Variants in DIS3L2 observed in about 807,000 individuals in gnomAD.
DIS3L2 encodes the protein DIS3-like exonuclease 2.
DIS3L2 carries 34 observed loss-of-function variants against 97.5 expected under a neutral mutation model. That is an observed-to-expected ratio of 0.35 (90% CI 0.27 to 0.46). DIS3L2 has a LOEUF of 0.46. DIS3L2 is among the 20% of genes least tolerant of loss of function. The pLI is 1.00. For missense variants in DIS3L2, 1,038 were observed against 1,146.0 expected (o/e 0.91, Z 1.36); for synonymous variants, 435 against 445.2 (o/e 0.98, Z 0.29).
intron 6 of DIS3L2, among the ~76,000 whole-genome samples, chr2:232,128,107 C>T (rs904711806): frequency 6.6e-5 from 10 of 152,054 alleles, no homozygotes; most frequent in African/African-American, 2.4e-4. Flanking sequence ...TACACCATCA[C>T]ACCTGGTGGA....
intron 9 of DIS3L2, among the ~76,000 whole-genome samples, chr2:232,168,903 T>A (rs1043437901): frequency 2.6e-5 from 4 of 152,184 alleles, no homozygotes; most frequent in Non-Finnish European, 4.4e-5. Context: ...GGTTTTATGA[T>A]GGAGTCATTC....
At chr2:232,261,411 A>G (rs889475557) in intron 12 of DIS3L2, among the ~76,000 whole-genome samples, 11 of 152,160 alleles carry the variant, frequency 7.2e-5, no homozygotes, top group Admixed American at 6.5e-4. Context: ...GGAAGTGGTC[A>G]TCCACACTGG....
At chr2:232,132,401 A>G (rs1443979261) in intron 7 of DIS3L2, among the ~76,000 whole-genome samples, 6 of 152,196 alleles carry the variant, frequency 3.9e-5, no homozygotes, top group Non-Finnish European at 8.8e-5. Context: ...GCATAGACCT[A>G]TTTTTTCTTG....
chr2:232,258,828 T>C (rs981437282), intron 12 of DIS3L2, among the ~76,000 whole-genome samples: 9 of 152,148 alleles, frequency 5.9e-5, no homozygotes, highest in Non-Finnish European at 8.8e-5. Flanking sequence ...TACTGTGAGG[T>C]TGGCTATTCC....
chr2:232,250,904 A>G (rs943008993), intron 12 of DIS3L2, among the ~76,000 whole-genome samples: 1 of 152,048 alleles, frequency 6.6e-6, no homozygotes, highest in African/African-American at 2.4e-5. Context: ...ACTAACCTTA[A>G]GAGTTTCCCA....
chr2:232,320,229 A>G (rs1314918248), intron 14 of DIS3L2, among the ~76,000 whole-genome samples: 1 of 152,218 alleles, frequency 6.6e-6, no homozygotes, highest in Non-Finnish European at 1.5e-5. Flanking sequence ...CCTAGGTCAT[A>G]AAACTGTGTG....
intron 14 of DIS3L2, among the ~76,000 whole-genome samples, chr2:232,315,658 G>C (rs1423147419): frequency 1.3e-5 from 2 of 152,196 alleles, no homozygotes; most frequent in Non-Finnish European, 2.9e-5. Context: ...AAATCGCCTA[G>C]TGGCTGCTTC....
At chr2:232,117,005 C>G (rs779796943) in intron 6 of DIS3L2, among the ~76,000 whole-genome samples, 2 of 152,198 alleles carry the variant, frequency 1.3e-5, no homozygotes, top group Non-Finnish European at 2.9e-5. Context: ...TGCTCCTCAG[C>G]TAGCTAACCC....
chr2:232,325,888 A>G lies in DIS3L2; in HGVS notation c.1740-3925A>G, dbSNP rs971208501. Reference sequence around the variant, plus strand: ...AGTGCCCACATCAGAGGAGGAAGGTATGAGGCCAGGGCAGGGGGCAGGGCG... The same window carrying G: ...AGTGCCCACATCAGAGGAGGAAGGTGTGAGGCCAGGGCAGGGGGCAGGGCG... On this transcript the variant is annotated intron_variant, in intron 14 of 20. Transcript: ENST00000325385. This position sits in a 1 kb window ranked among gnomAD's most constrained non-coding sequence, Gnocchi z 4.6. Among the ~76,000 whole-genome samples, 5 of 152,178 alleles carry G rather than the reference A, an allele frequency of 3.3e-5. No individual in the cohort carries two copies. The highest frequency in any genetic ancestry group is 2.1e-4 in the South Asian group (1 of 4,834).
chr2:232,314,425 C>T (rs768513060), intron 14 of DIS3L2, among the ~76,000 whole-genome samples: 44 of 151,532 alleles, frequency 2.9e-4, no homozygotes, highest in Middle Eastern at 3.4e-3. Flanking sequence ...AGACCCAAAC[C>T]GAGCAGGCCC....
At chr2:232,206,906 A>G (rs1159667792) in intron 9 of DIS3L2, among the ~76,000 whole-genome samples, 1 of 152,228 alleles carries the variant, frequency 6.6e-6, no homozygotes, top group East Asian at 1.9e-4. Context: ...TGGTGGGATC[A>G]ACTTCAGGCT....
chr2:232,334,590 C>T (rs113034299), intron 18 of DIS3L2, 41 bp from the exon 19 acceptor site: 1 of 1,601,322 alleles, frequency 6.2e-7, no homozygotes, highest in African/African-American at 1.3e-5. Context: ...GAGCCCAGGG[C>T]AGTGCCAGGA....
At chr2:232,166,326 C>CCA (rs144019112) in intron 9 of DIS3L2, among the ~76,000 whole-genome samples, 18,958 of 151,440 alleles carry the variant, frequency 0.13, 2,850 homozygotes, top group African/African-American at 0.36. Context: ...AATACACACA[C>CCA]CACACACACA....
chr2:231,997,957 A>G (rs752450197), intron 1 of DIS3L2, among the ~76,000 whole-genome samples: 2 of 152,186 alleles, frequency 1.3e-5, no homozygotes, highest in African/African-American at 4.8e-5. Context: ...TGAAAAGAAA[A>G]TTCTGGATCA....
At position 232,248,497 on chromosome 2, in the gene DIS3L2, GAAA is replaced by G. The variant is rs984021833; in HGVS notation, c.1318-736_1318-734del. Among the ~76,000 whole-genome samples, 5 of 151,778 alleles carry G rather than the reference GAAA, an allele frequency of 3.3e-5. No homozygotes were observed. In the East Asian group the frequency reaches 9.6e-4, roughly 29 times the overall value. ...ATTCATTTCATCTTTGGAATAGTAG[GAAA>G]AAAAACAAGTAATATTTTGGGACAA... On this transcript the variant is annotated intron_variant, in intron 11 of 20. Transcript: ENST00000325385.
At chr2:232,019,876 TAAAG>T (rs1333232279) in intron 3 of DIS3L2, among the ~76,000 whole-genome samples, 2 of 151,922 alleles carry the variant, frequency 1.3e-5, no homozygotes, top group Non-Finnish European at 2.9e-5. Context: ...TCATTGCTAA[TAAAG>T]AAATGGGAAG....
chr2:232,193,561 G>A (rs965833890), intron 9 of DIS3L2, among the ~76,000 whole-genome samples: 1 of 152,148 alleles, frequency 6.6e-6, no homozygotes, highest in Non-Finnish European at 1.5e-5. Context: ...CATATGAGGA[G>A]TAAAAATTTT....
chr2:232,268,322 A>G lies in DIS3L2; in HGVS notation c.1659+4882A>G, dbSNP rs1172026992. On this transcript the variant is annotated intron_variant, in intron 13 of 20. Transcript: ENST00000325385. The surrounding 1 kb of genome is among the most constrained non-coding windows in gnomAD (Gnocchi z 4.1). The stretch of plus-strand genomic sequence containing the variant: ...CAGGCAGTTTCTTTGAGTGGACTTG[A>G]TTGTAAAGATAGCCTTGTTAATGGA... Among the ~76,000 whole-genome samples, 1 of 152,180 alleles carries G rather than the reference A, an allele frequency of 6.6e-6. No individual in the cohort carries two copies.
rs370080208 is a variant in DIS3L2 at position 231,997,461 on chromosome 2, T to G, written c.-93-17374T>G. 3.3e-5 allele frequency among the ~76,000 whole-genome samples: 5 copies of G among 152,388 alleles called. No individual in the cohort carries two copies. The East Asian group carries it at 9.6e-4, about 29-fold the overall frequency. On this transcript the variant is annotated intron_variant, in intron 1 of 20. Transcript: ENST00000325385. ...TTGCAGCTAATAAATCTGTTTTGGC[T>G]CATATGAAACAGGGTGGAATGATCC... is the stretch of plus-strand genomic sequence containing the variant.
Sources: allele counts gnomAD v4.1 joint callset (sites outside exome capture counted in the v4.1 genomes callset), GRCh38; gene constraint gnomAD v4.1.1; non-coding constraint Gnocchi (gnomAD v3.1); transcripts MANE v1.5; gene names NCBI Gene and HGNC (gene_info 2026-07-23, HGNC 2026-07-21).